The following HERC4 variants were observed in gnomAD, a reference collection of about 807,000 sequenced individuals.
The protein encoded by HERC4 is HECT and RLD domain containing E3 ubiquitin protein ligase 4.
HERC4 carries 28 observed loss-of-function variants against 124.3 expected under a neutral mutation model. That is an observed-to-expected ratio of 0.23 (90% confidence interval 0.17 to 0.31). HERC4 has a LOEUF of 0.31. Among genes scored for constraint, HERC4 ranks in the 10% least tolerant of loss-of-function variants. HERC4 has a pLI of 1.00. For synonymous variants in HERC4, 407 were observed against 421.5 expected, an observed-to-expected ratio of 0.97 and a Z score of 0.42; for missense variants, 713 against 1,229.3, an observed-to-expected ratio of 0.58 and a Z score of 6.28.
At chr10:68,006,874 TTTC>T (rs1479182657) in intron 9 of HERC4, among the ~76,000 whole-genome samples, 1 of 152,224 alleles carries the variant, frequency 6.6e-6, no homozygotes, top group Non-Finnish European at 1.5e-5. Flanking sequence ...TTGTATACTG[TTTC>T]TTTTCTCTTG....
chr10:67,977,304 A>T (rs1311613063), intron 15 of HERC4, among the ~76,000 whole-genome samples: 2 of 152,168 alleles, frequency 1.3e-5, no homozygotes, highest in Non-Finnish European at 2.9e-5. Context: ...CTAGATACAC[A>T]GTGGCCAGAA....
intron 3 of HERC4, among the ~76,000 whole-genome samples, chr10:68,047,354 G>C (rs2040066221): frequency 6.6e-6 from 1 of 152,112 alleles, no homozygotes; most frequent in Non-Finnish European, 1.5e-5. Context: ...AACTCATCAA[G>C]CTATACATAT....
chr10:68,058,940 C>T (rs2040689252), intron 3 of HERC4, among the ~76,000 whole-genome samples: 1 of 152,040 alleles, frequency 6.6e-6, no homozygotes, highest in South Asian at 2.1e-4. Flanking sequence ...ACTCTCACCA[C>T]TTCTTTTCCC....
rs533241792 is a variant in HERC4 at position 67,998,560 on chromosome 10, A to G, written c.1070-5878T>C. Among the ~76,000 whole-genome samples, 190 of 36,540 alleles carry G rather than the reference A, an allele frequency of 5.2e-3. 1 individual carries two copies. The highest frequency in any genetic ancestry group is 9.0e-3 in the African/African-American group (177 of 19,600). The allele number at this position is 36,540 out of a possible 152,430, so 24.0% of individuals were successfully genotyped here. A position where few individuals can be genotyped will look rare whatever the true frequency, so the allele number is the denominator to read the frequency against. On this transcript the variant is annotated intron_variant, in intron 9 of 24. Coordinates refer to ENST00000373700, the MANE Select transcript of HERC4 (RefSeq NM_015601.4). Reference sequence around the variant, plus strand: ...ACACTCCACCTCAATTGAAAAAAAAAAAAGGGGGGGGGGTACAGTACTATC... The same window carrying G: ...ACACTCCACCTCAATTGAAAAAAAAGAAAGGGGGGGGGGTACAGTACTATC...
At chr10:67,956,423 T>C (rs189553089) in intron 17 of HERC4, 1 of 152,738 alleles carries the variant, frequency 6.5e-6, no homozygotes, top group Non-Finnish European at 1.5e-5. Flanking sequence ...TAATACCTTA[T>C]TATTGAAACT....
At chr10:68,008,746 T>C (rs760541133) in intron 9 of HERC4, among the ~76,000 whole-genome samples, 2 of 152,190 alleles carry the variant, frequency 1.3e-5, no homozygotes, top group Non-Finnish European at 2.9e-5. Flanking sequence ...AGCAGCATTA[T>C]TCACAATAGC....
At chr10:68,064,570 A>G (rs955517878) in intron 3 of HERC4, among the ~76,000 whole-genome samples, 19 of 151,628 alleles carry the variant, frequency 1.3e-4, no homozygotes, top group Non-Finnish European at 2.5e-4. Flanking sequence ...CAAAAAAAAA[A>G]AAAAAAAGAG....
chr10:68,047,769 T>C (rs1364275186), intron 3 of HERC4, among the ~76,000 whole-genome samples: 1 of 152,204 alleles, frequency 6.6e-6, no homozygotes, highest in Non-Finnish European at 1.5e-5. Context: ...GGAACTCTCC[T>C]TCACTGCTGG....
chr10:68,033,078 C>T (rs1440452216), intron 6 of HERC4, among the ~76,000 whole-genome samples: 2 of 152,048 alleles, frequency 1.3e-5, no homozygotes, highest in African/African-American at 4.8e-5. Context: ...GAGTTAAGTG[C>T]TAAACAGCCA....
At chr10:67,972,133 G>C (rs182436259) in intron 15 of HERC4, among the ~76,000 whole-genome samples, 123 of 149,316 alleles carry the variant, frequency 8.2e-4, no homozygotes, top group African/African-American at 2.9e-3. Context: ...AGAATCATTT[G>C]AACCTGGGAG....
At chr10:67,994,034 A>C (rs1329870193) in intron 9 of HERC4, 6 of 152,216 alleles carry the variant, frequency 3.9e-5, no homozygotes, top group Non-Finnish European at 8.8e-5. Context: ...ATACCTGTCC[A>C]TACAAATATG....
At chr10:67,974,147 A>C (rs932602218) in intron 15 of HERC4, among the ~76,000 whole-genome samples, 1 of 149,316 alleles carries the variant, frequency 6.7e-6, no homozygotes, top group Non-Finnish European at 1.5e-5. Flanking sequence ...AAAACAAGAC[A>C]ACCTTTCTTA....
At chr10:67,946,396 C>A (rs537968810) in intron 19 of HERC4, among the ~76,000 whole-genome samples, 42 of 142,266 alleles carry the variant, frequency 3.0e-4, no homozygotes, top group African/African-American at 8.5e-4. Context: ...CACACACACA[C>A]AAGACCCAAT....
intron 13 of HERC4, among the ~76,000 whole-genome samples, 194 bp from the exon 14 acceptor site, chr10:67,990,594 T>C (rs2036499863): frequency 6.6e-6 from 1 of 152,012 alleles, no homozygotes; most frequent in Non-Finnish European, 1.5e-5. Context: ...TGAAAATTAA[T>C]GCCTAAGCAT....
chr10:68,014,297 T>C, intron 8 of HERC4, 111 bp from the exon 9 acceptor site: 2 of 953,346 alleles, frequency 2.1e-6, no homozygotes, highest in Admixed American at 3.2e-5. Flanking sequence ...AAAAAATTAA[T>C]AAAACCAATT....
chr10:67,992,353 G>A, intron 10 of HERC4, 30 bp from the exon 11 acceptor site: 3 of 1,608,276 alleles, frequency 1.9e-6, no homozygotes, highest in South Asian at 1.1e-5. Flanking sequence ...TAGTCAGAGG[G>A]AAGAGATATT....
chr10:67,968,358 C>T lies in HERC4; in HGVS notation c.1807-1556G>A, dbSNP rs148074154. 5.4e-3 allele frequency among the ~76,000 whole-genome samples: 817 copies of T among 151,844 alleles called. 8 individuals carry two copies. Among genetic ancestry groups the T allele is most frequent in the African/African-American group, 0.019 (769 of 41,426 alleles). On this transcript the variant is annotated intron_variant, in intron 15 of 24. Coordinates refer to ENST00000373700, the MANE Select transcript of HERC4 (RefSeq NM_015601.4). ...TCAAACCCAATAAACCAACAGAAAG[C>T]ACAGCTGAGAGGCTACTCCTTTTTT...
chr10:67,992,146 T>A (rs2036586683), intron 11 of HERC4, 53 bp downstream of exon 11: 1 of 1,550,888 alleles, frequency 6.4e-7, no homozygotes, highest in Non-Finnish European at 8.8e-7. Flanking sequence ...ATCTGCCTGG[T>A]GCTGGGATTA....
intron 3 of HERC4, 147 bp from the exon 4 acceptor site, chr10:68,044,710 G>A (rs111833043): frequency 1.5e-6 from 1 of 673,746 alleles, no homozygotes; most frequent in Middle Eastern, 3.5e-4. Context: ...ACACACACTA[G>A]ATATAACCAG....
Sources: allele counts gnomAD v4.1 joint callset (sites outside exome capture counted in the v4.1 genomes callset), GRCh38; gene constraint gnomAD v4.1.1; transcripts MANE v1.5; gene names NCBI Gene and HGNC (gene_info 2026-07-23, HGNC 2026-07-21).